Variants in PRKCE observed in about 807,000 individuals in gnomAD.
PRKCE encodes the protein protein kinase C epsilon.
Under a neutral mutation model 85.4 loss-of-function variants are expected in PRKCE, and 16 were observed. That is an observed-to-expected ratio of 0.19 (90% confidence interval 0.13 to 0.28). PRKCE has a LOEUF of 0.28. Among genes scored for constraint, PRKCE ranks in the 10% least tolerant of loss-of-function variants. The pLI, the probability that PRKCE is intolerant of heterozygous loss-of-function variation, is 1.00. For synonymous variants in PRKCE, 388 were observed against 371.5 expected (o/e 1.04, Z -0.51); for missense variants, 573 against 975.2 (o/e 0.59, Z 5.49).
intron 11 of PRKCE, among the ~76,000 whole-genome samples, chr2:46,137,707 G>A (rs1294652642): frequency 6.0e-5 from 9 of 150,938 alleles, no homozygotes; most frequent in South Asian, 2.1e-4. Context: ...AGGGTGCACC[G>A]AGATAGTGCC....
At chr2:45,812,625 T>G (rs1300721991) in intron 1 of PRKCE, among the ~76,000 whole-genome samples, 1 of 152,226 alleles carries the variant, frequency 6.6e-6, no homozygotes, top group Non-Finnish European at 1.5e-5. Context: ...CTAACAGACG[T>G]AAAACACTTA....
At chr2:45,761,666 T>C (rs1684513505) in intron 1 of PRKCE, among the ~76,000 whole-genome samples, 1 of 152,126 alleles carries the variant, frequency 6.6e-6, no homozygotes, top group Admixed American at 6.5e-5. Context: ...CTCTCCCCTC[T>C]CGCACCCTCC....
chr2:46,072,158 T>G (rs1321595073), intron 10 of PRKCE, among the ~76,000 whole-genome samples: 1 of 152,232 alleles, frequency 6.6e-6, no homozygotes, highest in Non-Finnish European at 1.5e-5. Context: ...CTTTCACGCT[T>G]TATCTGTCAT....
At chr2:45,869,502 C>A (rs1693901556) in intron 2 of PRKCE, among the ~76,000 whole-genome samples, 1 of 152,074 alleles carries the variant, frequency 6.6e-6, no homozygotes, top group Admixed American at 6.5e-5. Context: ...CTGTGCTGAG[C>A]CTTTCACACA....
At chr2:45,667,865 G>A (rs1451423825) in intron 1 of PRKCE, among the ~76,000 whole-genome samples, 3 of 152,032 alleles carry the variant, frequency 2.0e-5, no homozygotes, top group Non-Finnish European at 2.9e-5. Flanking sequence ...GTGGTTAAGT[G>A]GAAGGGCTTT....
chr2:45,885,557 T>C (rs559090786), intron 2 of PRKCE, among the ~76,000 whole-genome samples: 129 of 152,342 alleles, frequency 8.5e-4, no homozygotes, highest in Non-Finnish European at 1.3e-3. Context: ...AAAAAGTTAA[T>C]CTACATGAAT....
At chr2:45,878,406 T>TA (rs1307799405) in intron 2 of PRKCE, among the ~76,000 whole-genome samples, 1 of 152,252 alleles carries the variant, frequency 6.6e-6, no homozygotes, top group Admixed American at 6.5e-5. Flanking sequence ...AGTCTACTCT[T>TA]ATCCTGAGTC....
intron 1 of PRKCE, among the ~76,000 whole-genome samples, chr2:45,824,988 T>C (rs1451905955): frequency 6.6e-6 from 1 of 152,134 alleles, no homozygotes; most frequent in Non-Finnish European, 1.5e-5. Context: ...CGGGAAAAGG[T>C]TCTGCTGAAC....
chr2:46,068,472 G>T lies in PRKCE; in HGVS notation c.1438-17736G>T, dbSNP rs1333183612. Among the ~76,000 whole-genome samples the T allele has an allele frequency of 6.6e-6, 1 of 152,080 alleles. No individual in the cohort carries two copies. On this transcript the variant is annotated intron_variant, in intron 10 of 14. Transcript: ENST00000306156. This position sits in a 1 kb window ranked among gnomAD's most constrained non-coding sequence, Gnocchi z 4.3. ...TCATTATTTATTGGTGTACCATTAG[G>T]TGCAAGGTATAATTCCTACTCATGA... is the stretch of plus-strand genomic sequence containing the variant.
intron 8 of PRKCE, among the ~76,000 whole-genome samples, chr2:46,005,502 C>T (rs1207136303): frequency 1.3e-5 from 2 of 152,154 alleles, no homozygotes; most frequent in Non-Finnish European, 2.9e-5. Flanking sequence ...TGCTTCATTA[C>T]TGTCCCCCAG....
intron 11 of PRKCE, among the ~76,000 whole-genome samples, chr2:46,105,295 A>G (rs1671609031): frequency 6.6e-6 from 1 of 152,148 alleles, no homozygotes; most frequent in South Asian, 2.1e-4. Context: ...GAATCATATT[A>G]GAGTCTATAG....
intron 1 of PRKCE, among the ~76,000 whole-genome samples, chr2:45,792,769 T>C (rs2105105215): frequency 6.6e-6 from 1 of 152,322 alleles, no homozygotes; most frequent in East Asian, 1.9e-4. Context: ...CATTTTGTCG[T>C]GAGCACTGAT....
chr2:45,725,598 C>T (rs1042267002), intron 1 of PRKCE, among the ~76,000 whole-genome samples: 6 of 152,012 alleles, frequency 3.9e-5, no homozygotes, highest in South Asian at 2.1e-4. Flanking sequence ...TTTGGGAGAC[C>T]GAGGCGGGCA....
intron 10 of PRKCE, among the ~76,000 whole-genome samples, chr2:46,070,423 C>G (rs1667979824): frequency 6.6e-6 from 1 of 152,206 alleles, no homozygotes; most frequent in Non-Finnish European, 1.5e-5. Flanking sequence ...GAGGGTGGAT[C>G]ACGAGGTCAG....
rs147252727 is a variant in PRKCE, at chr2:45,848,334, G to A, written c.412+5271G>A. On this transcript the variant is annotated intron_variant, in intron 2 of 14. Transcript: ENST00000306156. Reference sequence around the variant, plus strand: ...CATTTTTTTTTTCTTTTTTTGAGACGGAGTCTTGCTCTGTCGCCCAGGCTG... The same window carrying A: ...CATTTTTTTTTTCTTTTTTTGAGACAGAGTCTTGCTCTGTCGCCCAGGCTG... Among the ~76,000 whole-genome samples, 11 of 151,160 alleles carry A rather than the reference G, an allele frequency of 7.3e-5. No homozygotes were observed. In the East Asian group the frequency reaches 1.4e-3, roughly 19 times the overall value.
chr2:45,723,699 G>A (rs1227959152), intron 1 of PRKCE, among the ~76,000 whole-genome samples: 2 of 152,140 alleles, frequency 1.3e-5, no homozygotes, highest in African/African-American at 4.8e-5. Context: ...CCGCCTTCCG[G>A]TTTCAAGCGA....
intron 1 of PRKCE, among the ~76,000 whole-genome samples, chr2:45,717,698 T>C (rs1302576030): frequency 6.6e-6 from 1 of 152,242 alleles, no homozygotes; most frequent in Non-Finnish European, 1.5e-5. Flanking sequence ...CCAGACTTTT[T>C]CTTCTGCCCC....
At chr2:45,716,765 T>G in intron 1 of PRKCE, among the ~76,000 whole-genome samples, 1 of 150,290 alleles carries the variant, frequency 6.7e-6, no homozygotes, top group Non-Finnish European at 1.5e-5. Context: ...ACTGCAGAAT[T>G]TATAAAGAAT....
chr2:45,844,627 G>A (rs990436627), intron 2 of PRKCE, among the ~76,000 whole-genome samples: 2 of 152,154 alleles, frequency 1.3e-5, no homozygotes, highest in African/African-American at 4.8e-5. Context: ...CTAGACACTG[G>A]CGAAACATTT....
Sources: allele counts gnomAD v4.1 joint callset (sites outside exome capture counted in the v4.1 genomes callset), GRCh38; gene constraint gnomAD v4.1.1; non-coding constraint Gnocchi (gnomAD v3.1); transcripts MANE v1.5; gene names NCBI Gene and HGNC (gene_info 2026-07-23, HGNC 2026-07-21).